GATA5: variants seen among roughly 807,000 people sequenced by gnomAD.
GATA5 encodes the protein GATA binding protein 5.
A neutral mutation model predicts 35.0 loss-of-function variants in GATA5; 27 were observed. The observed-to-expected ratio is 0.77, with a 90% CI of 0.57 to 1.06. The LOEUF (loss-of-function observed/expected upper bound fraction) is 1.06, where lower values mean the gene tolerates loss of function less well. Ranked by LOEUF, GATA5 falls within the 50% of genes least tolerant of loss-of-function variation. The pLI is 0.00. For missense variants in GATA5, 612 were observed against 580.0 expected (o/e 1.06, Z -0.57); for synonymous variants, 306 against 267.8 (o/e 1.14, Z -1.39).
At chr20:62,472,399 C>T (rs75999259) in intron 3 of GATA5, among the ~76,000 whole-genome samples, 1,755 of 152,294 alleles carry the variant, frequency 0.012, 28 homozygotes, top group Middle Eastern at 0.041. Context: ...CAGAGCTGCA[C>T]CGGCATAGCA....
Position 62,475,056 on chromosome 20 carries a change from C to G in GATA5, c.466G>C (p.Ala156Pro). Residue 156 changes from alanine (A) to proline (P), a missense_variant, in exon 2 of 7, where the codon GCC (alanine) becomes CCC (proline). Physicochemically the swap from Ala to Pro is conservative, Grantham distance 27. Transcript: ENST00000252997. ...VSPDVAQSWT[A>P]GPFDGSVLHG... Reference sequence around the variant, plus strand: ...AGGACGCTGCCATCGAAGGGCCCGGCAGTCCAGGACTGGGCCACGTCGGGG... The same window carrying G: ...AGGACGCTGCCATCGAAGGGCCCGGGAGTCCAGGACTGGGCCACGTCGGGG... 7.1e-7 allele frequency: 1 copy of G among 1,407,102 alleles called. No individual in the cohort carries two copies. The highest frequency in any genetic ancestry group is 9.3e-7 in the Non-Finnish European group (1 of 1,075,118). The allele number at this position is 1,407,102 out of a possible 1,614,324, so 87.2% of individuals were successfully genotyped here.
chr20:62,475,485 G>T lies in GATA5; in HGVS notation c.37C>A (p.Gln13Lys). ...QSLALAASPRQAAYADSGSFL... is the reference protein window; with the variant it reads ...QSLALAASPRKAAYADSGSFL... ...GAGCCCGAGTCGGCGTAGGCGGCCT[G>T]GCGGGGGCTCGCGGCCAGCGCCAGG... The change falls in exon 2 of 7, where the codon CAG (glutamine) becomes AAG (lysine). Residue 13 changes from glutamine (Q) to lysine (K), a missense_variant. Transcript: ENST00000252997. 1 of 1,325,472 alleles carries T rather than the reference G, an allele frequency of 7.5e-7. No individual in the cohort carries two copies. Among genetic ancestry groups the T allele is most frequent in the Non-Finnish European group, 9.6e-7 (1 of 1,040,490 alleles). 82.1% of individuals were successfully genotyped at this position (1,325,472 alleles called of 1,614,324 possible).
At chr20:62,465,612 C>A in intron 5 of GATA5, 148 bp from the exon 6 acceptor site, 1 of 1,160,830 alleles carries the variant, frequency 8.6e-7, no homozygotes, top group South Asian at 1.6e-5. Flanking sequence ...TGTGGCCGGG[C>A]GTGGCTTCTT....
At chr20:62,466,119 C>G (rs1350372273) in intron 4 of GATA5, among the ~76,000 whole-genome samples, 198 bp from the exon 5 acceptor site, 1 of 152,222 alleles carries the variant, frequency 6.6e-6, no homozygotes, top group Non-Finnish European at 1.5e-5. Context: ...CCCCGTCCGA[C>G]AGAGCTGCCA....
rs550427260 is a variant in GATA5 at position 62,470,242 on chromosome 20, G to C, written c.699+3161C>G. On this transcript the variant is annotated intron_variant, in intron 3 of 6. Coordinates refer to ENST00000252997, the MANE Select transcript of GATA5 (RefSeq NM_080473.5). The surrounding 1 kb of genome is among the most constrained non-coding windows in gnomAD (Gnocchi z 4.6). ...GAAGGCGGGAGAGGGAAGGAGGTTC[G>C]AGCCTGGCTTGGAGGGATGAAGCGC... is the stretch of plus-strand genomic sequence containing the variant. 1.3e-5 allele frequency among the ~76,000 whole-genome samples: 2 copies of C among 152,250 alleles called. No individual in the cohort carries two copies. The highest frequency in any genetic ancestry group is 2.4e-5 in the African/African-American group (1 of 41,472).
chr20:62,465,373 G>T lies in GATA5; in HGVS notation c.1005C>A (p.Ser335=), dbSNP rs1278579062. ...CCATGCTGGGCCCAGGGCACACTGG[G>T]GACGCCAGGCTGGGCTTGGCTTTCG... is the stretch of plus-strand genomic sequence containing the variant. ...ATSKAKPSLA[S]PVCPGPSMAP... is the part of the protein sequence containing the mutation. Residue 335 remains serine, a synonymous_variant, in exon 6 of 7, where the codon TCC becomes TCA. Coordinates refer to ENST00000252997, the MANE Select transcript of GATA5 (RefSeq NM_080473.5). The T allele has an allele frequency of 1.9e-6, 3 of 1,604,262 alleles. No homozygotes were observed. Among genetic ancestry groups the T allele is most frequent in the African/African-American group, 2.7e-5 (2 of 74,872 alleles).
chr20:62,473,662 C>T, intron 2 of GATA5, 84 bp from the exon 3 acceptor site: 1 of 1,362,022 alleles, frequency 7.3e-7, no homozygotes, highest in East Asian at 2.5e-5. Flanking sequence ...CTCCCCTCCC[C>T]AGGAGCCTGG....
In GATA5 at chr20:62,468,313, C is replaced by T. The variant is rs549342185; in HGVS notation, c.700-1762G>A. ...TTTCCCCATCTGTTATAGCCTGCCT[C>T]GGTTTCCCCATCTGTTACTGCCCTC... On this transcript the variant is annotated intron_variant, in intron 3 of 6. Coordinates refer to ENST00000252997, the MANE Select transcript of GATA5 (RefSeq NM_080473.5). 9.2e-5 allele frequency among the ~76,000 whole-genome samples: 14 copies of T among 152,384 alleles called. No individual in the cohort carries two copies. The East Asian group carries it at 2.1e-3, about 23-fold the overall frequency.
intron 4 of GATA5, among the ~76,000 whole-genome samples, 197 bp downstream of exon 4, chr20:62,466,229 C>T (rs1024534535): frequency 1.3e-5 from 2 of 152,232 alleles, no homozygotes; most frequent in Admixed American, 6.5e-5. Flanking sequence ...GCGTCTGTGC[C>T]GTGAGTGTAA....
chr20:62,475,068 G>T lies in GATA5; in HGVS notation c.454C>A (p.Gln152Lys). The part of the protein sequence containing the change: ...YPAYVSPDVA[Q>K]SWTAGPFDGS... ...TCGAAGGGCCCGGCAGTCCAGGACT[G>T]GGCCACGTCGGGGCTCACGTAGGCC... The change falls in exon 2 of 7, where the codon CAG becomes AAG. Residue 152 changes from glutamine to lysine, a missense_variant. By Grantham distance (53) the Gln-to-Lys change is moderately conservative. Coordinates refer to ENST00000252997, the MANE Select transcript of GATA5 (RefSeq NM_080473.5). 1 of 1,413,374 alleles carries T rather than the reference G, an allele frequency of 7.1e-7. No homozygotes were observed. Among genetic ancestry groups the T allele is most frequent in the Non-Finnish European group, 9.3e-7 (1 of 1,080,630 alleles). 87.6% of individuals were successfully genotyped at this position (1,413,374 alleles called of 1,614,324 possible).
intron 3 of GATA5, among the ~76,000 whole-genome samples, chr20:62,469,665 C>G (rs1211921135): frequency 2.0e-5 from 3 of 152,236 alleles, no homozygotes; most frequent in Non-Finnish European, 4.4e-5. Flanking sequence ...ACACCTGGAA[C>G]CCACCTTGAA....
Position 62,475,446 on chromosome 20 carries a change from G to C in GATA5, c.76C>G (p.Pro26Ala), listed in dbSNP as rs1399822264. Residue 26 changes from proline to alanine, a missense_variant, in exon 2 of 7, where the codon CCG becomes GCG. Physicochemically the swap from Pro to Ala is conservative, Grantham distance 27 (BLOSUM62 -1). Transcript: ENST00000252997. The stretch of plus-strand genomic sequence containing the variant: ...ACAAACATCGGAGAGCCGGCGCCCG[G>C]AGCGTGCAGGAAGGAGCCCGAGTCG... ...YADSGSFLHAPGAGSPMFVPP... is the reference protein window; with the variant it reads ...YADSGSFLHAAGAGSPMFVPP... 3 of 1,357,842 alleles carry C rather than the reference G, an allele frequency of 2.2e-6. No individual in the cohort carries two copies. Among genetic ancestry groups the C allele is most frequent in the Non-Finnish European group, 2.8e-6 (3 of 1,058,292 alleles). The allele number at this position is 1,357,842 out of a possible 1,614,324, so 84.1% of individuals were successfully genotyped here. A position where few individuals can be genotyped will look rare whatever the true frequency, so the allele number is the denominator to read the frequency against.
chr20:62,464,915 G>T lies in GATA5; in HGVS notation c.1115C>A (p.Pro372His), dbSNP rs1402045595. The change falls in exon 7 of 7, where the codon CCC becomes CAC. Residue 372 changes from proline to histidine, a missense_variant. Coordinates refer to ENST00000252997, the MANE Select transcript of GATA5 (RefSeq NM_080473.5). ...FKFEPEDFAF[P>H]STAPSPQAGL... ...AGCCTGGGGGCTTGGGGCCGTGGAG[G>T]GGAAGGCAAAGTCCTCAGGCTCGAA... 8 of 1,611,618 alleles carry T rather than the reference G, an allele frequency of 5.0e-6. No individual in the cohort carries two copies. Among genetic ancestry groups the T allele is most frequent in the Non-Finnish European group, 6.8e-6 (8 of 1,179,244 alleles).
chr20:62,466,517 T>C lies in GATA5; in HGVS notation c.734A>G (p.Asn245Ser), dbSNP rs1777437810. 10 of 1,563,028 alleles carry C rather than the reference T, an allele frequency of 6.4e-6. No individual in the cohort carries two copies. Among genetic ancestry groups the C allele is most frequent in the Non-Finnish European group, 7.8e-6 (9 of 1,153,776 alleles). The change falls in exon 4 of 7, where the codon AAC (asparagine) becomes AGC (serine). Residue 245 changes from asparagine (N) to serine (S), a missense_variant. By Grantham distance (46) the Asn-to-Ser change is conservative. Transcript: ENST00000252997. ...CAGCGTGGTGTTGGTCGTGTGGCAG[T>C]TGGTGCAGCAGAGGCCGGCGCGGCG... is the stretch of plus-strand genomic sequence containing the variant. Reference protein sequence around the residue: ...SSRRAGLCCTNCHTTNTTLWR... With the variant: ...SSRRAGLCCTSCHTTNTTLWR...
At chr20:62,473,290 G>A (rs1226007052) in intron 3 of GATA5, 113 bp downstream of exon 3, 2 of 1,240,944 alleles carry the variant, frequency 1.6e-6, no homozygotes, top group East Asian at 5.1e-5. Context: ...GGCTGTTTTT[G>A]GGACACTCCC....
In GATA5 at chr20:62,475,480, G is replaced by C; in HGVS notation, c.42C>G (p.Ala14=). Residue 14 remains alanine, a synonymous_variant, in exon 2 of 7, where the codon GCC becomes GCG. Transcript: ENST00000252997. Reference sequence around the variant, plus strand: ...GGAAGGAGCCCGAGTCGGCGTAGGCGGCCTGGCGGGGGCTCGCGGCCAGCG... The same window carrying C: ...GGAAGGAGCCCGAGTCGGCGTAGGCCGCCTGGCGGGGGCTCGCGGCCAGCG... ...SLALAASPRQ[A]AYADSGSFLH... 1 of 1,327,032 alleles carries C rather than the reference G, an allele frequency of 7.5e-7. No homozygotes were observed. The highest frequency in any genetic ancestry group is 9.6e-7 in the Non-Finnish European group (1 of 1,041,324). 82.2% of individuals were successfully genotyped at this position (1,327,032 alleles called of 1,614,324 possible). A position where few individuals can be genotyped will look rare whatever the true frequency, so the allele number is the denominator to read the frequency against.
intron 3 of GATA5, among the ~76,000 whole-genome samples, chr20:62,467,337 C>T (rs1229746423): frequency 5.3e-5 from 8 of 152,230 alleles, no homozygotes; most frequent in Admixed American, 5.2e-4. Context: ...CCAGCTCAAG[C>T]CAGCCTTTCT....
chr20:62,464,731 G>A lies in GATA5; in HGVS notation c.*105C>T. On this transcript the variant is annotated 3_prime_UTR_variant, in exon 7 of 7. Transcript: ENST00000252997. Reference sequence around the variant, plus strand: ...CTCCAGCAGACCCAGTCTCTGGGTTGGGGGGCCTGCTGGTCTCTGCTGTGC... The same window carrying A: ...CTCCAGCAGACCCAGTCTCTGGGTTAGGGGGCCTGCTGGTCTCTGCTGTGC... The A allele has an allele frequency of 9.9e-7, 1 of 1,010,768 alleles. No homozygotes were observed. Among genetic ancestry groups the A allele is most frequent in the Non-Finnish European group, 1.4e-6 (1 of 707,712 alleles). 62.6% of individuals were successfully genotyped at this position (1,010,768 alleles called of 1,614,324 possible).
chr20:62,468,457 C>T (rs975909001), intron 3 of GATA5, among the ~76,000 whole-genome samples: 13 of 152,256 alleles, frequency 8.5e-5, no homozygotes, highest in Admixed American at 8.5e-4. Flanking sequence ...GGCCTCCCTG[C>T]AGCCCTGAGT....
Sources: allele counts gnomAD v4.1 joint callset (sites outside exome capture counted in the v4.1 genomes callset), GRCh38; gene constraint gnomAD v4.1.1; non-coding constraint Gnocchi (gnomAD v3.1); transcripts MANE v1.5; gene names NCBI Gene and HGNC (gene_info 2026-07-23, HGNC 2026-07-21).